Variants in MYOM3 observed in about 807,000 individuals in gnomAD.
MYOM3 encodes myomesin-3.
MYOM3 carries 155 observed loss-of-function variants against 191.7 expected under a neutral mutation model. That is an observed-to-expected ratio of 0.81 (90% confidence interval 0.71 to 0.92). The LOEUF is 0.92. Among genes scored for constraint, MYOM3 ranks in the 40% least tolerant of loss-of-function variants. The pLI is 0.00. For synonymous variants in MYOM3, 757 were observed against 762.9 expected, an observed-to-expected ratio of 0.99 and a Z score of 0.13; for missense variants, 1,889 against 1,890.6, an observed-to-expected ratio of 1.00 and a Z score of 0.02.
chr1:24,100,210 G>C (rs1643901952), intron 5 of MYOM3, among the ~76,000 whole-genome samples: 1 of 152,166 alleles, frequency 6.6e-6, no homozygotes, highest in Admixed American at 6.5e-5. Context: ...TGTGCGATTG[G>C]AGCAGCACTT....
chr1:24,102,297 ATC>A (rs1245169215), intron 5 of MYOM3, among the ~76,000 whole-genome samples: 1 of 152,090 alleles, frequency 6.6e-6, no homozygotes, highest in Non-Finnish European at 1.5e-5. Flanking sequence ...TGGGTGCCCA[ATC>A]TCTCCAGCTC....
intron 12 of MYOM3, among the ~76,000 whole-genome samples, chr1:24,090,385 C>T (rs1341162890): frequency 6.6e-6 from 1 of 152,176 alleles, no homozygotes; most frequent in Non-Finnish European, 1.5e-5. Context: ...TGGCGCTGGG[C>T]ACCCTGCCAC....
At chr1:24,098,787 T>C (rs981003368) in intron 6 of MYOM3, among the ~76,000 whole-genome samples, 2 of 152,204 alleles carry the variant, frequency 1.3e-5, no homozygotes, top group Non-Finnish European at 2.9e-5. Context: ...TCCCCACTTC[T>C]GAAGGGTAAG....
intron 5 of MYOM3, among the ~76,000 whole-genome samples, chr1:24,103,787 C>T (rs1643959023): frequency 6.6e-6 from 1 of 152,084 alleles, no homozygotes; most frequent in Admixed American, 6.5e-5. Context: ...TTTCATGCTT[C>T]TGTAATATGC....
At chr1:24,082,217 C>T in intron 17 of MYOM3, 29 bp from the exon 18 acceptor site, 2 of 1,565,596 alleles carry the variant, frequency 1.3e-6, no homozygotes, top group Non-Finnish European at 1.7e-6. Flanking sequence ...GTGAGGACAG[C>T]TGCTCCCTAG....
chr1:24,096,733 C>CGTGT (rs144797762), intron 7 of MYOM3, among the ~76,000 whole-genome samples: 11 of 150,742 alleles, frequency 7.3e-5, no homozygotes, highest in African/African-American at 2.2e-4. Flanking sequence ...TATGAGTGCA[C>CGTGT]GTGTGTGTGT....
intron 16 of MYOM3, chr1:24,083,532 T>C (rs891618807): frequency 6.6e-6 from 1 of 152,228 alleles, no homozygotes; most frequent in Non-Finnish European, 1.5e-5. Flanking sequence ...ATTGTGTGAG[T>C]CAATAGTCCT....
rs190949233 is a variant in MYOM3, at chr1:24,108,047, G to T, written c.188C>A (p.Ala63Glu). The T allele has an allele frequency of 5.2e-3, 8,337 of 1,613,772 alleles. 39 individuals carry two copies. Among genetic ancestry groups the T allele is most frequent in the Non-Finnish European group, 6.0e-3 (7,022 of 1,179,824 alleles). Reference sequence around the variant, plus strand: ...CAGGGCTGCTGCCAGGGCGTAGTCCGCGGCGCTGAACTCATGCTCTTCTTC... The same window carrying T: ...CAGGGCTGCTGCCAGGGCGTAGTCCTCGGCGCTGAACTCATGCTCTTCTTC... ...SSEEEHEFSA[A>E]DYALAAALAL... is the part of the protein sequence containing the mutation. Residue 63 changes from alanine to glutamate, a missense_variant, in exon 3 of 37, where the codon GCG (alanine) becomes GAG (glutamate). Physicochemically the swap from Ala to Glu is moderately radical, Grantham distance 107. Transcript: ENST00000374434.
rs1456526518 is a variant in MYOM3, at chr1:24,095,477, C to T, written c.755G>A (p.Gly252Glu). Residue 252 changes from glycine (G) to glutamate (E), a missense_variant, in exon 8 of 37, where the codon GGG (glycine) becomes GAG (glutamate). Physicochemically the swap from Gly to Glu is moderately conservative, Grantham distance 98 (BLOSUM62 -2). Transcript: ENST00000374434. ...FAKVLVRTYLGKDAGFDSEIF... is the reference protein window; with the variant it reads ...FAKVLVRTYLEKDAGFDSEIF... ...CTCTGAATCGAAGCCAGCATCCTTC[C>T]CCAGGTAAGCTGAAAAACCAAAGGC... The T allele has an allele frequency of 1.9e-6, 3 of 1,612,658 alleles. No homozygotes were observed. In the African/African-American group the frequency reaches 4.0e-5, roughly 22 times the overall value.
At chr1:24,070,809 G>A (rs149402572) in intron 25 of MYOM3, among the ~76,000 whole-genome samples, 122 of 152,272 alleles carry the variant, frequency 8.0e-4, no homozygotes, top group African/African-American at 2.9e-3. Flanking sequence ...ATGAACGCAG[G>A]TTTTTCATCT....
intron 24 of MYOM3, among the ~76,000 whole-genome samples, chr1:24,071,658 C>A (rs1380248197): frequency 2.0e-5 from 3 of 152,232 alleles, no homozygotes; most frequent in African/African-American, 7.2e-5. Flanking sequence ...AGGGACTGTA[C>A]ACACTGTCCC....
At chr1:24,086,292 G>C (rs545749434) in intron 15 of MYOM3, among the ~76,000 whole-genome samples, 1 of 152,276 alleles carries the variant, frequency 6.6e-6, no homozygotes, top group East Asian at 1.9e-4. Context: ...CAAGGAGCAG[G>C]GGGCTGCTTG....
chr1:24,104,962 T>A (rs1033793608), intron 5 of MYOM3, among the ~76,000 whole-genome samples: 5 of 152,188 alleles, frequency 3.3e-5, no homozygotes, highest in African/African-American at 4.8e-5. Flanking sequence ...CCCAGGGGGA[T>A]CTCAGGAAAG....
At chr1:24,067,216 A>G (rs1464343922) in intron 27 of MYOM3, 128 bp from the exon 28 acceptor site, 3 of 889,574 alleles carry the variant, frequency 3.4e-6, no homozygotes, top group South Asian at 1.8e-5. Context: ...TGCCTCTGCC[A>G]GGGCTGGGAC....
chr1:24,066,137 T>C (rs575608118), intron 28 of MYOM3, 136 bp from the exon 29 acceptor site: 4 of 736,804 alleles, frequency 5.4e-6, no homozygotes, highest in South Asian at 4.3e-5. Context: ...CTCTGGACTC[T>C]GAATTCTTGC....
In MYOM3 at chr1:24,095,693, G is replaced by A. The variant is rs115184515; in HGVS notation, c.746-207C>T. Among the ~76,000 whole-genome samples the A allele has an allele frequency of 3.8e-3, 573 of 152,274 alleles. 7 individuals are homozygous for A. The highest frequency in any genetic ancestry group is 0.013 in the African/African-American group (537 of 41,542). On this transcript the variant is annotated intron_variant, in intron 7 of 36. Coordinates refer to ENST00000374434, the MANE Select transcript of MYOM3 (RefSeq NM_152372.4). ...GTAATTCCTACCTGGAGCAAGGAAC[G>A]AGCGGGTTCACATGAATCAAGCCAC...
In MYOM3 at chr1:24,099,093, C is replaced by T. The variant is rs74061496; in HGVS notation, c.656+587G>A. Among the ~76,000 whole-genome samples, 688 of 152,230 alleles carry T rather than the reference C, an allele frequency of 4.5e-3. 6 individuals are homozygous for T. Among genetic ancestry groups the T allele is most frequent in the African/African-American group, 0.015 (626 of 41,532 alleles). ...GATATGAATGATGAGTGACACAGGCCTTGGGGAGGACTGCACTCTTATATT... is the reference window on the plus strand; with the variant it reads ...GATATGAATGATGAGTGACACAGGCTTTGGGGAGGACTGCACTCTTATATT... On this transcript the variant is annotated intron_variant, in intron 6 of 36. Transcript: ENST00000374434.
In MYOM3 at chr1:24,068,317, G is replaced by T; in HGVS notation, c.3201C>A (p.Ile1067=). 1 of 1,614,138 alleles carries T rather than the reference G, an allele frequency of 6.2e-7. No homozygotes were observed. The highest frequency in any genetic ancestry group is 8.5e-7 in the Non-Finnish European group (1 of 1,179,980). Residue 1067 remains isoleucine (I), a synonymous_variant, in exon 26 of 37, where the codon ATC becomes ATA. Transcript: ENST00000374434. ...DREKGLVEVI[I]QNLSEEDKGS... ...CTTTGTCCTCCTCAGACAAGTTCTG[G>T]ATGATCACTTCCACCAGGCCCTTCT...
rs755427859 is a variant in MYOM3, at chr1:24,090,881, T to C, written c.1348A>G (p.Ile450Val). ...GQSYRFRVRA[I>V]SRVGSSVPSK... ...GGGACGCTGCTGCCTACCCTGCTGA[T>C]GGCTCTCACCCGGAACCGATAGCTC... is the stretch of plus-strand genomic sequence containing the variant. Residue 450 changes from isoleucine to valine, a missense_variant, in exon 12 of 37, where the codon ATC becomes GTC. Ile to Val is a conservative substitution (Grantham distance 29). Transcript: ENST00000374434. The C allele has an allele frequency of 3.7e-6, 6 of 1,614,194 alleles. No homozygotes were observed. The highest frequency in any genetic ancestry group is 1.7e-5 in the Admixed American group (1 of 60,022).
Sources: gnomAD v4.1 joint callset for allele counts (sites outside exome capture counted in the v4.1 genomes callset) on GRCh38, gnomAD v4.1.1 for gene constraint, MANE v1.5 for transcripts, NCBI Gene and HGNC (gene_info 2026-07-23, HGNC 2026-07-21) for gene names.